The following MAN1B1 variants were observed in gnomAD, a reference collection of about 807,000 sequenced individuals.
MAN1B1 encodes endoplasmic reticulum mannosyl-oligosaccharide 1,2-alpha-mannosidase.
Under a neutral mutation model 75.5 loss-of-function variants are expected in MAN1B1, and 66 were observed. That is an observed-to-expected ratio of 0.87 (90% CI 0.72 to 1.07). MAN1B1 has a LOEUF of 1.07. Ranked by LOEUF, MAN1B1 falls within the 50% of genes least tolerant of loss-of-function variation. MAN1B1 has a pLI of 0.00. For synonymous variants in MAN1B1, 453 were observed against 382.8 expected (o/e 1.18, Z -2.14); for missense variants, 973 against 912.5 (o/e 1.07, Z -0.85).
chr9:137,108,511 G>A lies in MAN1B1; in HGVS notation c.2020G>A (p.Asp674Asn), dbSNP rs181795958. Reference sequence around the variant, plus strand: ...CAAGTATCTGTTCTTGCTCTTCTCCGATGACCCAAACCTGCTCAGCCTGGA... The same window carrying A: ...CAAGTATCTGTTCTTGCTCTTCTCCAATGACCCAAACCTGCTCAGCCTGGA... The part of the protein sequence containing the change: ...TLKYLFLLFS[D>N]DPNLLSLDAY... Residue 674 changes from aspartate to asparagine, a missense_variant, in exon 13 of 13, where the codon GAT becomes AAT. Physicochemically the swap from Asp to Asn is conservative, Grantham distance 23. Coordinates refer to ENST00000371589, the MANE Select transcript of MAN1B1 (RefSeq NM_016219.5). 396 of 1,614,008 alleles carry A rather than the reference G, an allele frequency of 2.5e-4. 2 individuals are homozygous for A. The East Asian group carries it at 5.0e-3, about 20-fold the overall frequency.
rs935109315 is a variant in MAN1B1 at position 137,099,603 on chromosome 9, T to C, written c.731-93T>C. 9 of 1,378,992 alleles carry C rather than the reference T, an allele frequency of 6.5e-6. 1 individual carries two copies. The South Asian group carries it at 1.0e-4, about 16-fold the overall frequency. The allele number at this position is 1,378,992 out of a possible 1,614,324, so 85.4% of individuals were successfully genotyped here. A position where few individuals can be genotyped will look rare whatever the true frequency, so the allele number is the denominator to read the frequency against. On this transcript the variant is annotated intron_variant, in intron 5 of 12. Transcript: ENST00000371589. The stretch of plus-strand genomic sequence containing the variant: ...CAAACCCACCGTCATCTTTGCCCCA[T>C]GGGGGTCACAGCAGTGCTCTGCCTG...
At chr9:137,108,309 T>G (rs1588655796) in intron 12 of MAN1B1, 79 bp from the exon 13 acceptor site, 11 of 1,255,486 alleles carry the variant, frequency 8.8e-6, no homozygotes, top group Non-Finnish European at 1.2e-5. Flanking sequence ...CACCATGGGG[T>G]GGAGAGCGCT....
At chr9:137,107,713 C>A in intron 12 of MAN1B1, 51 bp downstream of exon 12, 1 of 1,610,184 alleles carries the variant, frequency 6.2e-7, no homozygotes, top group Non-Finnish European at 8.5e-7. Flanking sequence ...GCCACAGGCA[C>A]GGCTGGGCTG....
chr9:137,106,114 T>C lies in MAN1B1; in HGVS notation c.1255-11T>C. On this transcript the variant is annotated splice_polypyrimidine_tract_variant and intron_variant, in intron 8 of 12. Transcript: ENST00000371589. Reference sequence around the variant, plus strand: ...TGGCCAGTAAACCCACCATCCCCCTTTCTGCCGCAGGAGGCAGTGGAGAAG... The same window carrying C: ...TGGCCAGTAAACCCACCATCCCCCTCTCTGCCGCAGGAGGCAGTGGAGAAG... 6.2e-7 allele frequency: 1 copy of C among 1,611,818 alleles called. No individual in the cohort carries two copies. Among genetic ancestry groups the C allele is most frequent in the East Asian group, 2.2e-5 (1 of 44,864 alleles).
intron 6 of MAN1B1, among the ~76,000 whole-genome samples, chr9:137,100,097 G>A (rs547347434): frequency 6.6e-6 from 1 of 152,334 alleles, no homozygotes; most frequent in Non-Finnish European, 1.5e-5. Context: ...CCAGACCTCT[G>A]CAGGAGTTGA....
In MAN1B1 at chr9:137,088,895, CAGA is replaced by C; in HGVS notation, c.359_361del (p.Lys120del). On this transcript the variant is annotated inframe_deletion, in exon 3 of 13. Transcript: ENST00000371589. The stretch of plus-strand genomic sequence containing the variant: ...TCTGGCTTTCAGGCTAGAGGAAGAG[CAGA>C]AGATGAGGCCAGAAATTGCTGGGTT... The C allele has an allele frequency of 2.5e-6, 4 of 1,613,942 alleles. No individual in the cohort carries two copies. Among genetic ancestry groups the C allele is most frequent in the African/African-American group, 1.3e-5 (1 of 75,018 alleles).
In MAN1B1 at chr9:137,097,912, A is replaced by T; in HGVS notation, c.705A>T (p.Pro235=). 6.4e-7 allele frequency: 1 copy of T among 1,558,620 alleles called. No homozygotes were observed. Among genetic ancestry groups the T allele is most frequent in the Non-Finnish European group, 8.7e-7 (1 of 1,151,598 alleles). ...AAGTGCCCACCAAGCCTCCCCTGCC[A>T]CCGGCCAGGACACAGGGCACACCAG... ...RAEVPTKPPL[P]PARTQGTPVH... is the part of the protein sequence containing the mutation. The change falls in exon 5 of 13, where the codon CCA becomes CCT. Residue 235 remains proline, a synonymous_variant. Transcript: ENST00000371589.
Position 137,088,114 on chromosome 9 carries a change from C to G in MAN1B1, c.259C>G (p.Leu87Val). The change falls in exon 2 of 13, where the codon CTC (leucine) becomes GTC (valine). Residue 87 changes from leucine to valine, a missense_variant. By Grantham distance (32) the Leu-to-Val change is conservative. Coordinates refer to ENST00000371589, the MANE Select transcript of MAN1B1 (RefSeq NM_016219.5). Reference sequence around the variant, plus strand: ...GTCGAGATTGCAGCGGAATATGATTCTCTTCCTCCTTGCCTTTCTGCTTTT... The same window carrying G: ...GTCGAGATTGCAGCGGAATATGATTGTCTTCCTCCTTGCCTTTCTGCTTTT... ...QLSRLQRNMILFLLAFLLFCG... is the reference protein window; with the variant it reads ...QLSRLQRNMIVFLLAFLLFCG... 1.2e-6 allele frequency: 2 copies of G among 1,614,202 alleles called. No homozygotes were observed. The highest frequency in any genetic ancestry group is 1.7e-6 in the Non-Finnish European group (2 of 1,180,012).
chr9:137,104,633 T>TTTTCA (rs1588644184), intron 8 of MAN1B1: 1 of 170,032 alleles, frequency 5.9e-6, no homozygotes, highest in East Asian at 1.5e-4. Context: ...ATCTGCTGCG[T>TTTTCA]GGCTAGGCCA....
chr9:137,104,100 A>G, intron 8 of MAN1B1: 1 of 456,656 alleles, frequency 2.2e-6, no homozygotes. Flanking sequence ...TTTCATCTTA[A>G]AACTGAAGCT....
In MAN1B1 at chr9:137,106,732, C is replaced by T. The variant is rs779058964; in HGVS notation, c.1489C>T (p.His497Tyr). Reference protein sequence around the residue: ...YVEAIEGVRTHLLRHSEPSKL... With the variant: ...YVEAIEGVRTYLLRHSEPSKL... ...GGAAGCCATCGAGGGTGTCAGAACGCACCTGCTGCGGCACTCCGAGCCCAG... is the reference window on the plus strand; with the variant it reads ...GGAAGCCATCGAGGGTGTCAGAACGTACCTGCTGCGGCACTCCGAGCCCAG... The change falls in exon 10 of 13, where the codon CAC (histidine) becomes TAC (tyrosine). Residue 497 changes from histidine to tyrosine, a missense_variant. Transcript: ENST00000371589. 31 of 1,613,406 alleles carry T rather than the reference C, an allele frequency of 1.9e-5. No homozygotes were observed. The highest frequency in any genetic ancestry group is 2.2e-5 in the Non-Finnish European group (26 of 1,180,020).
chr9:137,101,240 T>C lies in MAN1B1; in HGVS notation c.1065+87T>C, dbSNP rs191479602. 123 of 1,523,880 alleles carry C rather than the reference T, an allele frequency of 8.1e-5. No individual in the cohort carries two copies. In the East Asian group the frequency reaches 2.6e-3, roughly 32 times the overall value. The allele number at this position is 1,523,880 out of a possible 1,614,324, so 94.4% of individuals were successfully genotyped here. A position where few individuals can be genotyped will look rare whatever the true frequency, so the allele number is the denominator to read the frequency against. ...TAGTGGACTTGTGGGGACGTGACTG[T>C]CTTCCTGTTTCCTCTTCAAATGCAC... On this transcript the variant is annotated intron_variant, in intron 7 of 12. Transcript: ENST00000371589.
chr9:137,107,796 T>C lies in MAN1B1; in HGVS notation c.1896+134T>C, dbSNP rs747930208. The stretch of plus-strand genomic sequence containing the variant: ...CGGGAGGGGCGGGCTTGCCGCAGCC[T>C]CGGGGTGGCCACACTGCAGCTTGGG... On this transcript the variant is annotated intron_variant, in intron 12 of 12. Transcript: ENST00000371589. 8.3e-6 allele frequency: 11 copies of C among 1,322,136 alleles called. No homozygotes were observed. In the East Asian group the frequency reaches 2.2e-4, roughly 26 times the overall value. 81.9% of individuals were successfully genotyped at this position (1,322,136 alleles called of 1,614,324 possible). A position where few individuals can be genotyped will look rare whatever the true frequency, so the allele number is the denominator to read the frequency against.
intron 3 of MAN1B1, among the ~76,000 whole-genome samples, chr9:137,090,294 G>C (rs984675493): frequency 6.6e-6 from 1 of 152,156 alleles, no homozygotes; most frequent in Admixed American, 6.5e-5. Context: ...AGGTGTGGGA[G>C]TGCCTTGGGA....
Position 137,087,753 on chromosome 9 carries a change from C to T in MAN1B1, c.220-322C>T, listed in dbSNP as rs78083648. Among the ~76,000 whole-genome samples the T allele has an allele frequency of 0.024, 3,679 of 152,244 alleles. 72 individuals carry two copies. Among genetic ancestry groups the T allele is most frequent in the Middle Eastern group, 0.044 (13 of 294 alleles). On this transcript the variant is annotated intron_variant, in intron 1 of 12. Transcript: ENST00000371589. Reference sequence around the variant, plus strand: ...GTGACAGAAATGTTTCTGCTTTTTTCTTATCCTCGTCTCATCTGCACCACT... The same window carrying T: ...GTGACAGAAATGTTTCTGCTTTTTTTTTATCCTCGTCTCATCTGCACCACT...
At chr9:137,099,999 C>G in intron 6 of MAN1B1, 118 bp downstream of exon 6, 5 of 1,244,980 alleles carry the variant, frequency 4.0e-6, no homozygotes, top group Non-Finnish European at 5.8e-6. Flanking sequence ...TGGGTTTTCC[C>G]TTCTCCTGGG....
At chr9:137,099,223 G>A (rs770383915) in intron 5 of MAN1B1, among the ~76,000 whole-genome samples, 4 of 152,372 alleles carry the variant, frequency 2.6e-5, no homozygotes, top group Admixed American at 6.5e-5. Flanking sequence ...CAGAAGGAGC[G>A]TGTTTGAGTC....
At chr9:137,098,179 G>A (rs1462110024) in intron 5 of MAN1B1, among the ~76,000 whole-genome samples, 3 of 152,224 alleles carry the variant, frequency 2.0e-5, no homozygotes, top group Non-Finnish European at 4.4e-5. Flanking sequence ...GTTTGTGTCT[G>A]GGCCAGGCTG....
At chr9:137,102,625 G>C (rs1411336571) in intron 8 of MAN1B1, 13 of 440,994 alleles carry the variant, frequency 2.9e-5, no homozygotes, top group Non-Finnish European at 5.8e-5. Context: ...CAGGTCGGTG[G>C]TGTTACATTC....
Sources: gnomAD v4.1 joint callset for allele counts (sites outside exome capture counted in the v4.1 genomes callset) on GRCh38, gnomAD v4.1.1 for gene constraint, MANE v1.5 for transcripts, NCBI Gene and HGNC (gene_info 2026-07-23, HGNC 2026-07-21) for gene names.